The following UIMC1 variants were observed in gnomAD, a reference collection of about 807,000 sequenced individuals.
UIMC1 encodes the protein ubiquitin interaction motif containing 1.
Under a neutral mutation model 84.9 loss-of-function variants are expected in UIMC1, and 42 were observed. The ratio of observed to expected loss-of-function variants is 0.49; its 90% CI spans 0.39 to 0.64. The LOEUF is 0.64. UIMC1 is among the 30% of genes least tolerant of loss of function. The probability of loss-of-function intolerance (pLI) is 0.00; values close to 1 mark genes in which losing one functional copy is unlikely to be tolerated. For synonymous variants in UIMC1, 281 were observed against 293.0 expected, an observed-to-expected ratio of 0.96 and a Z score of 0.42; for missense variants, 825 against 847.6, an observed-to-expected ratio of 0.97 and a Z score of 0.33.
intron 1 of UIMC1, among the ~76,000 whole-genome samples, chr5:176,990,480 A>G (rs949323703): frequency 2.6e-4 from 39 of 152,270 alleles, no homozygotes; most frequent in African/African-American, 8.7e-4. Flanking sequence ...GAAAAGGTTA[A>G]AAACCTATCA....
chr5:176,905,590 A>G (rs1432557100), intron 14 of UIMC1, 98 bp from the exon 15 acceptor site: 5 of 1,079,484 alleles, frequency 4.6e-6, no homozygotes, highest in Admixed American at 2.5e-5. Flanking sequence ...TCAGGGGATT[A>G]TTAGTACAAA....
intron 6 of UIMC1, among the ~76,000 whole-genome samples, chr5:176,963,116 T>A: frequency 6.3e-5 from 1 of 15,850 alleles, no homozygotes; most frequent in Admixed American, 5.5e-4. Flanking sequence ...CAAATCCCCC[T>A]CTGTGAGAAA....
At chr5:176,944,609 T>C (rs190774439) in intron 9 of UIMC1, among the ~76,000 whole-genome samples, 10 of 152,326 alleles carry the variant, frequency 6.6e-5, no homozygotes, top group Non-Finnish European at 1.5e-4. Flanking sequence ...TAAAATATCT[T>C]CTGATACAAG....
chr5:176,908,811 A>G (rs1034469725), intron 11 of UIMC1, 117 bp from the exon 12 acceptor site: 21 of 1,003,848 alleles, frequency 2.1e-5, no homozygotes, highest in Admixed American at 1.0e-4. Flanking sequence ...TGGAGGAGAC[A>G]TATCAACCAA....
intron 1 of UIMC1, among the ~76,000 whole-genome samples, chr5:176,991,630 CAAA>C (rs57753076): frequency 1.4e-4 from 11 of 78,838 alleles, no homozygotes; most frequent in African/African-American, 2.1e-4. Context: ...AACTCCGTCT[CAAA>C]AAAAAAAAAA....
intron 3 of UIMC1, among the ~76,000 whole-genome samples, chr5:176,973,702 G>A (rs770526912): frequency 1.3e-5 from 2 of 152,106 alleles, no homozygotes; most frequent in African/African-American, 2.4e-5. Context: ...CCAGCAGTTC[G>A]AGACCAGCCT....
chr5:177,001,791 A>G (rs1249665239), intron 1 of UIMC1, among the ~76,000 whole-genome samples: 1 of 150,788 alleles, frequency 6.6e-6, no homozygotes. Flanking sequence ...AAAAAAAAAA[A>G]TACAAAACAT....
chr5:176,973,168 G>A (rs1042808472), intron 3 of UIMC1, among the ~76,000 whole-genome samples: 5 of 151,898 alleles, frequency 3.3e-5, no homozygotes, highest in Non-Finnish European at 4.4e-5. Flanking sequence ...CACCCGCCTC[G>A]GCCTCCCAAA....
At chr5:176,944,376 A>C (rs1191135201) in intron 9 of UIMC1, among the ~76,000 whole-genome samples, 2 of 152,182 alleles carry the variant, frequency 1.3e-5, no homozygotes, top group East Asian at 3.8e-4. Context: ...GTATCTCTTA[A>C]AGGCAGTTTT....
chr5:176,995,537 C>CAAAAAAAAA (rs57521139), intron 1 of UIMC1, among the ~76,000 whole-genome samples: 3 of 36,562 alleles, frequency 8.2e-5, no homozygotes, highest in African/African-American at 3.1e-4. Context: ...ACTCTGTCTC[C>CAAAAAAAAA]AAAAAAAAAA....
intron 9 of UIMC1, among the ~76,000 whole-genome samples, chr5:176,948,277 C>T (rs1765390049): frequency 6.6e-6 from 1 of 152,196 alleles, no homozygotes; most frequent in African/African-American, 2.4e-5. Flanking sequence ...GCCATGGGTA[C>T]TTCCAAATAC....
At chr5:176,995,638 T>G (rs543831139) in intron 1 of UIMC1, among the ~76,000 whole-genome samples, 1 of 147,698 alleles carries the variant, frequency 6.8e-6, no homozygotes, top group Non-Finnish European at 1.5e-5. Flanking sequence ...GGTGAAAAGA[T>G]CGAGACCATC....
At chr5:176,949,870 C>A (rs1765624163) in intron 9 of UIMC1, among the ~76,000 whole-genome samples, 1 of 152,018 alleles carries the variant, frequency 6.6e-6, no homozygotes, top group African/African-American at 2.4e-5. Flanking sequence ...GCCTGGCCAT[C>A]AGGGTAAAAT....
intron 10 of UIMC1, among the ~76,000 whole-genome samples, chr5:176,930,347 AT>A (rs1268727359): frequency 6.6e-6 from 1 of 152,232 alleles, no homozygotes; most frequent in Middle Eastern, 3.2e-3. Flanking sequence ...TTTCAAAAAA[AT>A]CTGAACATTC....
At chr5:176,939,373 A>G (rs115413067) in intron 10 of UIMC1, among the ~76,000 whole-genome samples, 1,629 of 152,292 alleles carry the variant, frequency 0.011, 10 homozygotes, top group South Asian at 0.025. Flanking sequence ...AGGTAGACAC[A>G]TTGGCATTGA....
intron 6 of UIMC1, among the ~76,000 whole-genome samples, chr5:176,962,002 C>G (rs1332354149): frequency 5.9e-5 from 4 of 67,928 alleles, no homozygotes; most frequent in African/African-American, 1.4e-4. Flanking sequence ...GGGGGGTCAG[C>G]CCCCCTGCCC....
chr5:177,001,747 G>A (rs1178550837), intron 1 of UIMC1, among the ~76,000 whole-genome samples: 1 of 148,750 alleles, frequency 6.7e-6, no homozygotes, highest in Non-Finnish European at 1.5e-5. Context: ...AGACCATCCT[G>A]GCTAACACAG....
chr5:176,905,589 T>G (rs1759257269), intron 14 of UIMC1, 97 bp from the exon 15 acceptor site: 2 of 1,102,722 alleles, frequency 1.8e-6, no homozygotes, highest in Admixed American at 2.5e-5. Flanking sequence ...ATCAGGGGAT[T>G]ATTAGTACAA....
chr5:176,925,854 A>G (rs184122668), intron 10 of UIMC1, among the ~76,000 whole-genome samples: 1 of 152,298 alleles, frequency 6.6e-6, no homozygotes, highest in East Asian at 1.9e-4. Context: ...CAAACTCTGC[A>G]AATTTACACT....
Sources: allele counts gnomAD v4.1 joint callset (sites outside exome capture counted in the v4.1 genomes callset), GRCh38; gene constraint gnomAD v4.1.1; transcripts MANE v1.5; gene names NCBI Gene and HGNC (gene_info 2026-07-23, HGNC 2026-07-21).